CNTN1: variants seen among roughly 807,000 people sequenced by gnomAD.
CNTN1 encodes the protein contactin-1.
A neutral mutation model predicts 126.4 loss-of-function variants in CNTN1; 38 were observed. The observed-to-expected ratio is 0.30, with a 90% CI of 0.23 to 0.39. The LOEUF is 0.39. Among genes scored for constraint, CNTN1 ranks in the 10% least tolerant of loss-of-function variants. CNTN1 has a pLI of 1.00. For missense variants in CNTN1, 1,009 were observed against 1,248.4 expected, an observed-to-expected ratio of 0.81 and a Z score of 2.89; for synonymous variants, 413 against 422.6, an observed-to-expected ratio of 0.98 and a Z score of 0.28.
At chr12:40,705,337 A>C (rs898484084) in intron 1 of CNTN1, among the ~76,000 whole-genome samples, 1 of 152,154 alleles carries the variant, frequency 6.6e-6, no homozygotes, top group Non-Finnish European at 1.5e-5. Flanking sequence ...TTTCTGCTTC[A>C]TGTTTGCCAT....
At chr12:40,794,772 C>A (rs1165018829) in intron 1 of CNTN1, among the ~76,000 whole-genome samples, 1 of 151,920 alleles carries the variant, frequency 6.6e-6, no homozygotes, top group African/African-American at 2.4e-5. Flanking sequence ...TTGGGAAAGG[C>A]TTCTCAAACA....
At chr12:40,897,435 G>T (rs903248403) in intron 1 of CNTN1, among the ~76,000 whole-genome samples, 4 of 152,034 alleles carry the variant, frequency 2.6e-5, no homozygotes, top group Non-Finnish European at 5.9e-5. Flanking sequence ...TCACATAGCA[G>T]GTACTCAGGA....
chr12:40,773,859 A>G (rs1180569141), intron 1 of CNTN1, among the ~76,000 whole-genome samples: 1 of 151,402 alleles, frequency 6.6e-6, no homozygotes, highest in African/African-American at 2.4e-5. Flanking sequence ...TACATTATAT[A>G]TAATTGTTAG....
At chr12:40,731,972 G>A (rs1942511402) in intron 1 of CNTN1, among the ~76,000 whole-genome samples, 1 of 151,900 alleles carries the variant, frequency 6.6e-6, no homozygotes, top group Non-Finnish European at 1.5e-5. Context: ...GAACTCTTGG[G>A]GAACAGGCAT....
intron 1 of CNTN1, among the ~76,000 whole-genome samples, chr12:40,702,464 G>A (rs1859983471): frequency 6.6e-6 from 1 of 152,030 alleles, no homozygotes; most frequent in South Asian, 2.1e-4. Context: ...TTCTCTTTGA[G>A]ACAGCGTTTC....
chr12:40,892,424 C>T (rs1258829367), intron 1 of CNTN1, among the ~76,000 whole-genome samples: 3 of 151,968 alleles, frequency 2.0e-5, no homozygotes, highest in Admixed American at 6.6e-5. Context: ...TAAATCCCAG[C>T]CACATTAGAA....
At chr12:40,947,471 T>C (rs1413637560) in intron 14 of CNTN1, among the ~76,000 whole-genome samples, 1 of 152,062 alleles carries the variant, frequency 6.6e-6, no homozygotes, top group African/African-American at 2.4e-5. Context: ...CTTAATGCCT[T>C]GGAGTAAATA....
At chr12:40,745,023 G>A (rs926965168) in intron 1 of CNTN1, among the ~76,000 whole-genome samples, 33 of 152,100 alleles carry the variant, frequency 2.2e-4, no homozygotes, top group African/African-American at 7.9e-4. Flanking sequence ...TATTTGATGC[G>A]ATCCATATTG....
intron 1 of CNTN1, among the ~76,000 whole-genome samples, chr12:40,704,664 T>C (rs1292467600): frequency 1.3e-5 from 2 of 152,170 alleles, no homozygotes; most frequent in African/African-American, 4.8e-5. Context: ...TTGTATACAA[T>C]CATATCTGTT....
chr12:40,880,154 G>A (rs1274994895), intron 1 of CNTN1, among the ~76,000 whole-genome samples: 1 of 151,956 alleles, frequency 6.6e-6, no homozygotes, highest in Non-Finnish European at 1.5e-5. Context: ...AAGCAGATTA[G>A]CAATAAGGAA....
intron 16 of CNTN1, among the ~76,000 whole-genome samples, chr12:40,981,613 A>G (rs571377333): frequency 1.6e-4 from 24 of 152,230 alleles, no homozygotes; most frequent in Middle Eastern, 3.4e-3. Flanking sequence ...TTCTTATATT[A>G]AGATTTTCTA....
chr12:40,704,138 G>GT (rs1195478889), intron 1 of CNTN1, among the ~76,000 whole-genome samples: 10 of 152,140 alleles, frequency 6.6e-5, no homozygotes, highest in African/African-American at 2.2e-4. Context: ...AAGTGTTGAA[G>GT]TATGTGTCTT....
intron 1 of CNTN1, among the ~76,000 whole-genome samples, chr12:40,805,599 G>C (rs1940821562): frequency 6.6e-6 from 1 of 152,002 alleles, no homozygotes; most frequent in Non-Finnish European, 1.5e-5. Context: ...ATATCTGTTA[G>C]CATTTTAATC....
At chr12:40,975,336 A>G (rs1380509384) in intron 15 of CNTN1, among the ~76,000 whole-genome samples, 4 of 151,700 alleles carry the variant, frequency 2.6e-5, no homozygotes. Flanking sequence ...AAATTTAGAG[A>G]AAGAGAGTAG....
intron 14 of CNTN1, among the ~76,000 whole-genome samples, chr12:40,949,417 T>TCC (rs1566017722): frequency 5.4e-4 from 54 of 100,230 alleles, no homozygotes; most frequent in African/African-American, 8.3e-4. Flanking sequence ...ATGCTATCCC[T>TCC]ACCCCCCCTC....
intron 1 of CNTN1, among the ~76,000 whole-genome samples, chr12:40,875,788 G>GT (rs1259390262): frequency 4.0e-5 from 6 of 151,802 alleles, no homozygotes; most frequent in Admixed American, 2.0e-4. Context: ...TTGTTTTCAG[G>GT]TTTTTTTGGC....
At chr12:40,766,608 C>T (rs796708698) in intron 1 of CNTN1, among the ~76,000 whole-genome samples, 66 of 152,164 alleles carry the variant, frequency 4.3e-4, no homozygotes, top group African/African-American at 1.5e-3. Context: ...TTCTCTTGAT[C>T]AACTTATCTG....
chr12:40,941,704 C>T (rs1010606580), intron 12 of CNTN1, among the ~76,000 whole-genome samples: 2 of 151,884 alleles, frequency 1.3e-5, no homozygotes, highest in African/African-American at 4.8e-5. Context: ...AGGAAGGGAT[C>T]TTCATTAGTC....
chr12:41,060,920 T>C (rs1266946038), intron 23 of CNTN1, among the ~76,000 whole-genome samples: 1 of 152,198 alleles, frequency 6.6e-6, no homozygotes, highest in African/African-American at 2.4e-5. Context: ...ACATTTAATA[T>C]TGCAAATTCA....
Sources: gnomAD v4.1 joint callset for allele counts (sites outside exome capture counted in the v4.1 genomes callset) on GRCh38, gnomAD v4.1.1 for gene constraint, MANE v1.5 for transcripts, NCBI Gene and HGNC (gene_info 2026-07-23, HGNC 2026-07-21) for gene names.